DSCAML1: variants seen among roughly 807,000 people sequenced by gnomAD.
DSCAML1 encodes the protein DS cell adhesion molecule like 1.
Under a neutral mutation model 200.5 loss-of-function variants are expected in DSCAML1, and 38 were observed. The ratio of observed to expected loss-of-function variants is 0.19; its 90% CI spans 0.15 to 0.25. The LOEUF is 0.25. Among genes scored for constraint, DSCAML1 ranks in the 10% least tolerant of loss-of-function variants. The pLI is 1.00. For missense variants in DSCAML1, 2,223 were observed against 2,858.8 expected, an observed-to-expected ratio of 0.78 and a Z score of 5.07; for synonymous variants, 1,215 against 1,165.0, an observed-to-expected ratio of 1.04 and a Z score of -0.87.
chr11:117,761,633 G>T (rs1362225769), intron 3 of DSCAML1, among the ~76,000 whole-genome samples: 2 of 152,228 alleles, frequency 1.3e-5, no homozygotes, highest in East Asian at 3.8e-4. Context: ...CACTTTGGAA[G>T]GCTGAGGTGG....
At chr11:117,787,676 C>A (rs2055383737) in intron 1 of DSCAML1, among the ~76,000 whole-genome samples, 1 of 152,152 alleles carries the variant, frequency 6.6e-6, no homozygotes, top group Admixed American at 6.5e-5. Context: ...GCTGACAAGA[C>A]CCTACCACCA....
intron 3 of DSCAML1, among the ~76,000 whole-genome samples, chr11:117,641,994 A>G (rs2052419522): frequency 6.6e-6 from 1 of 151,968 alleles, no homozygotes; most frequent in African/African-American, 2.4e-5. Flanking sequence ...TTCTGCCACC[A>G]AGCTAGCAGT....
At chr11:117,459,346 C>T (rs916045154) in intron 18 of DSCAML1, among the ~76,000 whole-genome samples, 2 of 152,262 alleles carry the variant, frequency 1.3e-5, no homozygotes, top group Admixed American at 1.3e-4. Context: ...GGCCAGCCCG[C>T]CTTGGGCCGC....
intron 8 of DSCAML1, among the ~76,000 whole-genome samples, chr11:117,514,343 G>T (rs954653763): frequency 6.6e-6 from 1 of 152,182 alleles, no homozygotes; most frequent in African/African-American, 2.4e-5. Context: ...AGGTGACAGG[G>T]CCCTCAGAGT....
chr11:117,515,229 G>T (rs983237848), intron 8 of DSCAML1, among the ~76,000 whole-genome samples: 13 of 152,160 alleles, frequency 8.5e-5, no homozygotes, highest in Non-Finnish European at 1.8e-4. Flanking sequence ...TTCACGAAGA[G>T]ACATAAGCTC....
At chr11:117,786,903 C>T (rs1401016427) in intron 1 of DSCAML1, among the ~76,000 whole-genome samples, 1 of 152,130 alleles carries the variant, frequency 6.6e-6, no homozygotes, top group Non-Finnish European at 1.5e-5. Context: ...GGCAACCATT[C>T]GTAGGAGAGG....
Position 117,428,591 on chromosome 11 carries a change from C to T in DSCAML1, c.5899G>A (p.Ala1967Thr), listed in dbSNP as rs776542181. 2.5e-6 allele frequency: 4 copies of T among 1,596,880 alleles called. No individual in the cohort carries two copies. The highest frequency in any genetic ancestry group is 2.6e-6 in the Non-Finnish European group (3 of 1,172,510). The change falls in exon 33 of 33, where the codon GCC becomes ACC. Residue 1967 changes from alanine (A) to threonine (T), a missense_variant. Ala to Thr is a moderately conservative substitution (Grantham distance 58). This residue lies in a region of DSCAML1 where 280 missense variants were observed against 213.4 expected (regional missense o/e 1.31). Coordinates refer to ENST00000651296, the MANE Select transcript of DSCAML1 (RefSeq NM_020693.4). ...HPGAPAAAST[A>T]TLPQRTLAMP... ...GCCAGAGTCCTCTGAGGTAAGGTGG[C>T]TGTGGAGGCGGCAGCGGGGGCCCCT...
chr11:117,776,811 T>C lies in DSCAML1; in HGVS notation c.491A>G (p.Asp164Gly). ...EYVSVVSWEK[D>G]TVSIIPEHRF... ...CTTACCTGGGATGATGGAGACTGTG[T>C]CTTTCTCCCAAGATACAACGCTAAC... Residue 164 changes from aspartate to glycine, a missense_variant, in exon 3 of 33, where the codon GAC (aspartate) becomes GGC (glycine). Physicochemically the swap from Asp to Gly is moderately conservative, Grantham distance 94 (BLOSUM62 -1). Coordinates refer to ENST00000651296, the MANE Select transcript of DSCAML1 (RefSeq NM_020693.4). The C allele has an allele frequency of 6.2e-7, 1 of 1,614,138 alleles. No homozygotes were observed.
intron 8 of DSCAML1, among the ~76,000 whole-genome samples, chr11:117,507,747 C>T (rs2049529689): frequency 6.6e-6 from 1 of 152,182 alleles, no homozygotes; most frequent in Non-Finnish European, 1.5e-5. Flanking sequence ...CCTCACCTAC[C>T]AGCTGGCTTT....
chr11:117,529,904 A>G (rs774675361), intron 4 of DSCAML1, among the ~76,000 whole-genome samples: 7 of 151,554 alleles, frequency 4.6e-5, no homozygotes, highest in Non-Finnish European at 1.0e-4. Context: ...TATCAGTTGC[A>G]TTTTTGCCGA....
chr11:117,515,712 C>T (rs1054510731), intron 8 of DSCAML1, among the ~76,000 whole-genome samples: 5 of 149,102 alleles, frequency 3.4e-5, no homozygotes, highest in Non-Finnish European at 4.4e-5. Flanking sequence ...CCTCTGCCTC[C>T]CAGGTTCAAG....
In DSCAML1 at chr11:117,797,179, C is replaced by A; in HGVS notation, c.-100G>T. On this transcript the variant is annotated 5_prime_UTR_variant, in exon 1 of 33. Coordinates refer to ENST00000651296, the MANE Select transcript of DSCAML1 (RefSeq NM_020693.4). ...CGCGCTCCCAGCCGCCCGCACTCGG[C>A]GCCCCGCTCTCTCTGCTCCTCAGCC... is the stretch of plus-strand genomic sequence containing the variant. 2 of 1,571,228 alleles carry A rather than the reference C, an allele frequency of 1.3e-6. No individual in the cohort carries two copies. The highest frequency in any genetic ancestry group is 4.9e-5 in the East Asian group (2 of 41,030).
chr11:117,785,830 G>A (rs1434976382), intron 1 of DSCAML1, among the ~76,000 whole-genome samples: 1 of 152,156 alleles, frequency 6.6e-6, no homozygotes, highest in African/African-American at 2.4e-5. Context: ...GGTATGAGGT[G>A]GAGGGCCCAT....
chr11:117,516,420 C>T lies in DSCAML1; in HGVS notation c.1783+47G>A. On this transcript the variant is annotated intron_variant, in intron 8 of 32. Coordinates refer to ENST00000651296, the MANE Select transcript of DSCAML1 (RefSeq NM_020693.4). The surrounding 1 kb of genome is among the most constrained non-coding windows in gnomAD (Gnocchi z 5.7). ...CCAGCTGGGGAAAGGCCCACGCATC[C>T]TGGGTGGTCAGGCGGGCAGGGGCCC... 1 of 1,584,320 alleles carries T rather than the reference C, an allele frequency of 6.3e-7. No individual in the cohort carries two copies.
At chr11:117,634,462 C>T (rs1291071539) in intron 3 of DSCAML1, among the ~76,000 whole-genome samples, 4 of 152,174 alleles carry the variant, frequency 2.6e-5, no homozygotes, top group Non-Finnish European at 5.9e-5. Context: ...TGCCGAAGGC[C>T]CGTCCAGCTC....
intron 3 of DSCAML1, among the ~76,000 whole-genome samples, chr11:117,593,482 G>T (rs950597008): frequency 6.6e-6 from 1 of 152,206 alleles, no homozygotes; most frequent in Non-Finnish European, 1.5e-5. Flanking sequence ...CTGGAAAGAA[G>T]AGATGACAGG....
chr11:117,665,860 AG>A lies in DSCAML1; in HGVS notation c.511+110930del, dbSNP rs544305856. Among the ~76,000 whole-genome samples, 403 of 152,360 alleles carry A rather than the reference AG, an allele frequency of 2.6e-3. 1 individual carries two copies. Among genetic ancestry groups the A allele is most frequent in the African/African-American group, 9.4e-3 (391 of 41,574 alleles). On this transcript the variant is annotated intron_variant, in intron 3 of 32. Transcript: ENST00000651296. ...CAAAGAGTCAAAAAAGGAAAGAAAC[AG>A]GGATCTATAGTCAGCCCAACCTCCT...
chr11:117,720,090 G>C (rs531576531), intron 3 of DSCAML1, among the ~76,000 whole-genome samples: 50 of 152,096 alleles, frequency 3.3e-4, no homozygotes, highest in African/African-American at 6.7e-4. Context: ...CTCCGTGGAA[G>C]CTGGAAGGAC....
intron 3 of DSCAML1, among the ~76,000 whole-genome samples, chr11:117,635,178 T>G (rs897849570): frequency 6.6e-6 from 1 of 152,154 alleles, no homozygotes; most frequent in Non-Finnish European, 1.5e-5. Context: ...ATTCTCTTGC[T>G]CTTTGATGTT....
Sources: gnomAD v4.1 joint callset for allele counts (sites outside exome capture counted in the v4.1 genomes callset) on GRCh38, gnomAD v4.1.1 for gene constraint, gnomAD v4.1.1 regional missense constraint, Gnocchi (gnomAD v3.1) non-coding constraint, MANE v1.5 for transcripts, NCBI Gene and HGNC (gene_info 2026-07-23, HGNC 2026-07-21) for gene names.